Variants in KHDC1 observed in about 807,000 individuals in gnomAD.
KHDC1 encodes the protein KH homology domain-containing protein 1.
In KHDC1, 21 loss-of-function variants were observed where a neutral mutation model predicts 24.7. The ratio of observed to expected loss-of-function variants is 0.85; its 90% CI spans 0.60 to 1.23. The LOEUF is 1.23. Among genes scored for constraint, KHDC1 ranks in the 50% most tolerant of loss-of-function variants. The pLI, the probability that KHDC1 is intolerant of heterozygous loss-of-function variation, is 0.00. For missense variants in KHDC1, 274 were observed against 298.5 expected (o/e 0.92, Z 0.61); for synonymous variants, 98 against 111.7 (o/e 0.88, Z 0.77).
At chr6:73,241,650 T>A in exon 5 of KHDC1, 1 of 1,614,136 alleles carries the variant, frequency 6.2e-7, no homozygotes, top group South Asian at 1.1e-5. Context: ...GTCTCCAGTG[T>A]ATGGTGGCAC....
At chr6:73,252,771 C>T (rs972052280) in intron 2 of KHDC1, among the ~76,000 whole-genome samples, 4 of 151,400 alleles carry the variant, frequency 2.6e-5, no homozygotes, top group African/African-American at 9.7e-5. Flanking sequence ...GAGCTGAGAT[C>T]GTGCCACTGA....
intron 1 of KHDC1, among the ~76,000 whole-genome samples, chr6:73,307,815 A>T (rs1303361386): frequency 2.0e-5 from 3 of 152,098 alleles, no homozygotes; most frequent in Non-Finnish European, 2.9e-5. Context: ...CATCACCTGG[A>T]GGTCTTCTTA....
intron 2 of KHDC1, among the ~76,000 whole-genome samples, chr6:73,284,504 A>T (rs115988404): frequency 6.6e-6 from 1 of 151,934 alleles, no homozygotes; most frequent in African/African-American, 2.4e-5. Flanking sequence ...CCACCAAATT[A>T]TCTATAAAAA....
At chr6:73,249,466 T>C (rs983127317) in intron 2 of KHDC1, among the ~76,000 whole-genome samples, 4 of 152,196 alleles carry the variant, frequency 2.6e-5, no homozygotes, top group Non-Finnish European at 5.9e-5. Flanking sequence ...GAGTCAGAGA[T>C]AGTGTGCAGT....
At chr6:73,307,608 G>A (rs746581423) in intron 1 of KHDC1, among the ~76,000 whole-genome samples, 1 of 152,090 alleles carries the variant, frequency 6.6e-6, no homozygotes. Context: ...TGATCCCCAG[G>A]CCAGCAGGCT....
At chr6:73,284,806 T>G (rs964010661) in intron 2 of KHDC1, 5 of 152,126 alleles carry the variant, frequency 3.3e-5, no homozygotes, top group Non-Finnish European at 7.3e-5. Flanking sequence ...CTTTGAATCT[T>G]GAAAAGATTA....
chr6:73,308,820 G>C (rs1768023259), intron 1 of KHDC1, among the ~76,000 whole-genome samples: 1 of 151,860 alleles, frequency 6.6e-6, no homozygotes, highest in Non-Finnish European at 1.5e-5. Flanking sequence ...GTTTTTTGTT[G>C]GTTTGTTTTT....
intron 1 of KHDC1, among the ~76,000 whole-genome samples, chr6:73,297,024 C>G (rs1767771039): frequency 6.6e-6 from 1 of 152,110 alleles, no homozygotes; most frequent in African/African-American, 2.4e-5. Context: ...CCTCAGCCTC[C>G]CAAGTAGCTG....
At chr6:73,292,233 T>C (rs1767667269) in intron 1 of KHDC1, 1 of 1,414,732 alleles carries the variant, frequency 7.1e-7, no homozygotes, top group East Asian at 2.3e-5. Flanking sequence ...ACAGAACTAA[T>C]TGTGAAAATG....
At chr6:73,275,228 TA>T (rs1475093624) in intron 2 of KHDC1, 3 of 152,466 alleles carry the variant, frequency 2.0e-5, no homozygotes, top group African/African-American at 7.2e-5. Context: ...CGCATACCTA[TA>T]ATCCCAGCTA....
At chr6:73,260,049 A>G (rs1257970194) in intron 2 of KHDC1, among the ~76,000 whole-genome samples, 1 of 152,180 alleles carries the variant, frequency 6.6e-6, no homozygotes, top group Non-Finnish European at 1.5e-5. Flanking sequence ...TATTTGGGAC[A>G]TCTCTTCAAG....
At chr6:73,264,941 G>C (rs749353103) in intron 2 of KHDC1, among the ~76,000 whole-genome samples, 7 of 152,186 alleles carry the variant, frequency 4.6e-5, no homozygotes, top group Admixed American at 1.3e-4. Flanking sequence ...TGTAGTTTCT[G>C]CTGCTCTTAG....
chr6:73,266,261 G>A (rs1293960495), intron 2 of KHDC1, among the ~76,000 whole-genome samples: 1 of 152,182 alleles, frequency 6.6e-6, no homozygotes, highest in Non-Finnish European at 1.5e-5. Flanking sequence ...CAAGGGAGAT[G>A]TTGGACTCTA....
At chr6:73,292,690 G>A (rs1455787529) in intron 1 of KHDC1, 4 of 750,636 alleles carry the variant, frequency 5.3e-6, no homozygotes, top group African/African-American at 1.7e-5. Context: ...GCATCTTAAT[G>A]TGTCCACACA....
intron 1 of KHDC1, chr6:73,293,278 A>G (rs1240489313): frequency 3.2e-6 from 2 of 624,432 alleles, no homozygotes; most frequent in Non-Finnish European, 6.1e-6. Context: ...CTTCTACTGA[A>G]GAAACATAAG....
At chr6:73,291,026 A>G (rs1767641279) in intron 2 of KHDC1, 1 of 388,350 alleles carries the variant, frequency 2.6e-6, no homozygotes. Context: ...AAGAGATTGA[A>G]AAGGAAGAGT....
intron 2 of KHDC1, among the ~76,000 whole-genome samples, chr6:73,283,374 T>C (rs1050862665): frequency 6.6e-6 from 1 of 152,096 alleles, no homozygotes; most frequent in African/African-American, 2.4e-5. Flanking sequence ...TTTATCCTAT[T>C]TTGTTTCTTA....
chr6:73,262,876 G>C (rs983389950), intron 2 of KHDC1: 7 of 986,322 alleles, frequency 7.1e-6, no homozygotes, highest in Non-Finnish European at 8.4e-6. Flanking sequence ...ATTCAGGACT[G>C]AGCATCTCAG....
intron 2 of KHDC1, among the ~76,000 whole-genome samples, chr6:73,280,645 C>T (rs536305610): frequency 3.3e-5 from 5 of 151,442 alleles, no homozygotes; most frequent in Non-Finnish European, 5.9e-5. Context: ...CTCAGCCTCC[C>T]GAGTAGCTGG....
Sources: allele counts gnomAD v4.1 joint callset (sites outside exome capture counted in the v4.1 genomes callset), GRCh38; gene constraint gnomAD v4.1.1; transcripts MANE v1.5; gene names NCBI Gene and HGNC (gene_info 2026-07-23, HGNC 2026-07-21).